DSCAM: variants seen among roughly 807,000 people sequenced by gnomAD.
DSCAM encodes the protein cell adhesion molecule DSCAM.
In DSCAM, 47 loss-of-function variants were observed where a neutral mutation model predicts 217.7. The observed-to-expected ratio is 0.22, with a 90% CI of 0.17 to 0.28. DSCAM has a LOEUF of 0.28. Ranked by LOEUF, DSCAM falls within the 10% of genes least tolerant of loss-of-function variation. DSCAM has a pLI of 1.00. For synonymous variants in DSCAM, 1,056 were observed against 1,015.3 expected, an observed-to-expected ratio of 1.04 and a Z score of -0.76; for missense variants, 2,080 against 2,618.3, an observed-to-expected ratio of 0.79 and a Z score of 4.49.
At chr21:40,095,052 A>G (rs1381680124) in intron 20 of DSCAM, among the ~76,000 whole-genome samples, 2 of 152,204 alleles carry the variant, frequency 1.3e-5, no homozygotes, top group African/African-American at 4.8e-5. Flanking sequence ...AAATAAAAAG[A>G]GGTTTAATGG....
intron 27 of DSCAM, among the ~76,000 whole-genome samples, chr21:40,065,844 C>G (rs2089198843): frequency 6.6e-6 from 1 of 152,216 alleles, no homozygotes; most frequent in South Asian, 2.1e-4. Flanking sequence ...GATACCTGTG[C>G]TTTGAAACCT....
rs2076047825 is a variant in DSCAM at position 40,488,390 on chromosome 21, T to C, written c.509-119145A>G. Among the ~76,000 whole-genome samples the C allele has an allele frequency of 2.6e-5, 4 of 152,172 alleles. No homozygotes were observed. The South Asian group carries it at 8.3e-4, about 32-fold the overall frequency. ...AAGAGACGTTTGGTCTCTGGAAACT[T>C]CTATTTGAAGGCTCAGTCATGTCTG... On this transcript the variant is annotated intron_variant, in intron 3 of 32. Transcript: ENST00000400454.
At chr21:40,706,052 G>A (rs1398388772) in intron 2 of DSCAM, among the ~76,000 whole-genome samples, 2 of 151,896 alleles carry the variant, frequency 1.3e-5, no homozygotes, top group Non-Finnish European at 2.9e-5. Flanking sequence ...GTGGTGGCGG[G>A]TGCCTGTAGT....
At chr21:40,533,625 C>T (rs111213036) in intron 3 of DSCAM, among the ~76,000 whole-genome samples, 68 of 105,972 alleles carry the variant, frequency 6.4e-4, no homozygotes, top group South Asian at 1.7e-3. Context: ...ATCCATCCAT[C>T]CAACCCTCCA....
intron 1 of DSCAM, among the ~76,000 whole-genome samples, chr21:40,792,077 G>T (rs183089000): frequency 6.6e-6 from 1 of 151,202 alleles, no homozygotes; most frequent in East Asian, 2.0e-4. Context: ...GTCTTCCTCC[G>T]CACGTCTTCA....
intron 32 of DSCAM, among the ~76,000 whole-genome samples, chr21:40,031,120 A>G (rs900228616): frequency 6.6e-6 from 1 of 152,088 alleles, no homozygotes; most frequent in African/African-American, 2.4e-5. Context: ...TAAAAGGCTC[A>G]CTGTTTTTCT....
intron 3 of DSCAM, among the ~76,000 whole-genome samples, chr21:40,604,193 C>A (rs1180048496): frequency 1.3e-5 from 2 of 151,868 alleles, no homozygotes; most frequent in African/African-American, 4.8e-5. Flanking sequence ...CTCATTGATT[C>A]TTTCTTGTTT....
intron 3 of DSCAM, among the ~76,000 whole-genome samples, chr21:40,655,449 T>TTTTA (rs2090064007): frequency 6.7e-6 from 1 of 149,982 alleles, no homozygotes; most frequent in Non-Finnish European, 1.5e-5. Flanking sequence ...TGTCTCTCTT[T>TTTTA]TTTTTTTTTT....
At chr21:40,385,223 G>T (rs1194469773) in intron 3 of DSCAM, 1 of 151,942 alleles carries the variant, frequency 6.6e-6, no homozygotes, top group African/African-American at 2.4e-5. Context: ...CCCATCCAAC[G>T]TTATGTTTCC....
Position 40,736,475 on chromosome 21 carries a change from G to A in DSCAM, c.44-27704C>T, listed in dbSNP as rs565289690. On this transcript the variant is annotated intron_variant, in intron 1 of 32. Transcript: ENST00000400454. ...AGCTCAAACAACAGAAATGTATCTT[G>A]TCATGGTTCTGGAGGTTAGAAGTTC... 5.3e-5 allele frequency among the ~76,000 whole-genome samples: 8 copies of A among 152,284 alleles called. No individual in the cohort carries two copies. The South Asian group carries it at 1.2e-3, about 24-fold the overall frequency.
At chr21:40,386,765 TAAAA>T (rs1321416492) in intron 3 of DSCAM, among the ~76,000 whole-genome samples, 1 of 152,250 alleles carries the variant, frequency 6.6e-6, no homozygotes, top group Non-Finnish European at 1.5e-5. Context: ...CTTCTCCACT[TAAAA>T]GTGGAAACAG....
intron 20 of DSCAM, among the ~76,000 whole-genome samples, chr21:40,117,083 T>C (rs901411203): frequency 6.7e-6 from 1 of 150,274 alleles, no homozygotes; most frequent in Non-Finnish European, 1.5e-5. Context: ...TCTATGTAAG[T>C]GATTTAAAAG....
At chr21:40,485,061 A>G (rs1331841048) in intron 3 of DSCAM, among the ~76,000 whole-genome samples, 2 of 152,044 alleles carry the variant, frequency 1.3e-5, no homozygotes, top group African/African-American at 4.8e-5. Flanking sequence ...ATACAGAGGA[A>G]TTGAAGAACT....
At chr21:40,571,568 T>C (rs2076806995) in intron 3 of DSCAM, among the ~76,000 whole-genome samples, 1 of 152,126 alleles carries the variant, frequency 6.6e-6, no homozygotes, top group South Asian at 2.1e-4. Context: ...ATATCATACA[T>C]GATAGAAGCT....
intron 15 of DSCAM, among the ~76,000 whole-genome samples, chr21:40,177,704 G>A (rs140346938): frequency 6.6e-4 from 100 of 152,238 alleles, no homozygotes; most frequent in African/African-American, 1.8e-3. Context: ...TAATTGACCC[G>A]TTTGGCAATA....
chr21:40,150,602 T>C (rs1441219909), intron 16 of DSCAM, among the ~76,000 whole-genome samples: 1 of 152,226 alleles, frequency 6.6e-6, no homozygotes, highest in Non-Finnish European at 1.5e-5. Flanking sequence ...CTCTGAGTTA[T>C]GGATGAGTCA....
At chr21:40,080,362 C>T in intron 24 of DSCAM, 22 bp from the exon 25 acceptor site, 1 of 1,541,774 alleles carries the variant, frequency 6.5e-7, no homozygotes, top group Non-Finnish European at 8.8e-7. Flanking sequence ...GAGAAAGATT[C>T]ACATGAGCAC....
chr21:40,100,447 T>C lies in DSCAM; in HGVS notation c.3697-6573A>G, dbSNP rs529773614. On this transcript the variant is annotated intron_variant, in intron 20 of 32. Transcript: ENST00000400454. ...ATTTATATTTCATTAATTTTCTTTT[T>C]ATTGGATACCAGATTTTCCAACACA... 1.8e-4 allele frequency among the ~76,000 whole-genome samples: 28 copies of C among 152,338 alleles called. 1 individual carries two copies. The South Asian group carries it at 5.8e-3, about 32-fold the overall frequency.
At chr21:40,097,766 C>A (rs1156681473) in intron 20 of DSCAM, among the ~76,000 whole-genome samples, 1 of 151,092 alleles carries the variant, frequency 6.6e-6, no homozygotes, top group Non-Finnish European at 1.5e-5. Context: ...GTGGTGAAAC[C>A]CTGTCTCTAC....
Sources: allele counts gnomAD v4.1 joint callset (sites outside exome capture counted in the v4.1 genomes callset), GRCh38; gene constraint gnomAD v4.1.1; transcripts MANE v1.5; gene names NCBI Gene and HGNC (gene_info 2026-07-23, HGNC 2026-07-21).